Variants in STK40 observed in about 807,000 individuals in gnomAD.
The protein encoded by STK40 is serine/threonine kinase 40.
A neutral mutation model predicts 47.9 loss-of-function variants in STK40; 13 were observed. The ratio of observed to expected loss-of-function variants is 0.27; its 90% confidence interval spans 0.18 to 0.43. STK40 has a LOEUF of 0.43. STK40 is among the 20% of genes least tolerant of loss of function. The pLI is 1.00. For missense variants in STK40, 460 were observed against 595.1 expected (o/e 0.77, Z 2.36); for synonymous variants, 225 against 243.2 (o/e 0.93, Z 0.69).
At chr1:36,347,233 A>G (rs754639387) in intron 7 of STK40, among the ~76,000 whole-genome samples, 11 of 152,168 alleles carry the variant, frequency 7.2e-5, no homozygotes, top group Non-Finnish European at 1.5e-4. Context: ...CACTGCACGG[A>G]AAGGGCGCAC....
At chr1:36,357,808 G>T (rs1646818105) in intron 4 of STK40, among the ~76,000 whole-genome samples, 1 of 152,084 alleles carries the variant, frequency 6.6e-6, no homozygotes, top group African/African-American at 2.4e-5. Context: ...GTGGAGACGG[G>T]GTTTCACCTT....
intron 1 of STK40, among the ~76,000 whole-genome samples, chr1:36,382,501 C>T (rs1430852686): frequency 6.6e-6 from 1 of 152,118 alleles, no homozygotes; most frequent in Non-Finnish European, 1.5e-5. Flanking sequence ...CTTTAAAGTA[C>T]TATTTTTTTC....
At chr1:36,349,761 C>A (rs779522892) in intron 6 of STK40, among the ~76,000 whole-genome samples, 35 of 129,210 alleles carry the variant, frequency 2.7e-4, no homozygotes, top group Non-Finnish European at 1.1e-4. Context: ...TTACACCACA[C>A]TGGGGGCTGG....
chr1:36,347,430 G>C (rs993684925), intron 7 of STK40, among the ~76,000 whole-genome samples: 2 of 152,232 alleles, frequency 1.3e-5, no homozygotes, highest in Non-Finnish European at 2.9e-5. Flanking sequence ...CAGCCCTGGG[G>C]CTGCGCCTCC....
chr1:36,371,762 G>A (rs535029815), intron 1 of STK40, among the ~76,000 whole-genome samples: 7 of 147,612 alleles, frequency 4.7e-5, no homozygotes, highest in Non-Finnish European at 1.0e-4. Context: ...TTAGGAGGCC[G>A]AGGCGGGCAA....
At chr1:36,357,819 G>A (rs184864896) in intron 4 of STK40, among the ~76,000 whole-genome samples, 2 of 152,280 alleles carry the variant, frequency 1.3e-5, no homozygotes, top group East Asian at 3.9e-4. Flanking sequence ...GTTTCACCTT[G>A]TTGGCCAGGA....
chr1:36,365,474 G>C (rs368074908), intron 1 of STK40, among the ~76,000 whole-genome samples: 9 of 152,330 alleles, frequency 5.9e-5, no homozygotes, highest in African/African-American at 2.2e-4. Flanking sequence ...AACTCACTGA[G>C]CCCCAACAGT....
chr1:36,350,270 A>G (rs1270766334), intron 6 of STK40, among the ~76,000 whole-genome samples: 1 of 152,196 alleles, frequency 6.6e-6, no homozygotes, highest in African/African-American at 2.4e-5. Context: ...GGGCTGCTCT[A>G]GCTCTGAAGC....
At chr1:36,351,640 C>T (rs547596079) in intron 6 of STK40, among the ~76,000 whole-genome samples, 12 of 152,202 alleles carry the variant, frequency 7.9e-5, no homozygotes, top group African/African-American at 2.7e-4. Flanking sequence ...GAGGCATTGG[C>T]ATTCTGCACC....
At chr1:36,369,906 T>G (rs1344160853) in intron 1 of STK40, among the ~76,000 whole-genome samples, 1 of 152,138 alleles carries the variant, frequency 6.6e-6, no homozygotes, top group Non-Finnish European at 1.5e-5. Flanking sequence ...ACAGAGGCAG[T>G]TGAATAAAGA....
At position 36,355,187 on chromosome 1, in the gene STK40, C is replaced by T. The variant is rs1191197430; in HGVS notation, c.570+19G>A. 2 of 1,611,490 alleles carry T rather than the reference C, an allele frequency of 1.2e-6. No individual in the cohort carries two copies. Among genetic ancestry groups the T allele is most frequent in the Non-Finnish European group, 1.7e-6 (2 of 1,178,824 alleles). ...GGCTTTCTGTGGCCAGAAGGCGCAG[C>T]AGCAGGGTGTGGCCTCACCTGGTGC... On this transcript the variant is annotated intron_variant, in intron 5 of 10. Coordinates refer to ENST00000373132, the MANE Select transcript of STK40 (RefSeq NM_001282547.2).
chr1:36,358,651 C>G (rs574976460), intron 3 of STK40, 86 bp downstream of exon 3: 80 of 1,429,190 alleles, frequency 5.6e-5, no homozygotes, highest in Non-Finnish European at 7.7e-5. Context: ...TTCACAATGA[C>G]GCAGGTGTGA....
At chr1:36,372,104 T>C (rs1470551276) in intron 1 of STK40, among the ~76,000 whole-genome samples, 1 of 152,130 alleles carries the variant, frequency 6.6e-6, no homozygotes, top group Admixed American at 6.5e-5. Context: ...TCCACAGACG[T>C]AGAACCCACG....
At chr1:36,346,433 C>A (rs1431308781) in intron 7 of STK40, among the ~76,000 whole-genome samples, 1 of 152,228 alleles carries the variant, frequency 6.6e-6, no homozygotes, top group African/African-American at 2.4e-5. Flanking sequence ...CCATGAGGGC[C>A]AGACCAGGCC....
At position 36,340,427 on chromosome 1, in the gene STK40, G is replaced by C. The variant is rs947577388; in HGVS notation, c.*1328C>G. 6.5e-6 allele frequency: 1 copy of C among 152,782 alleles called. No homozygotes were observed. Among genetic ancestry groups the C allele is most frequent in the African/African-American group, 2.4e-5 (1 of 41,456 alleles). 9.5% of individuals were successfully genotyped at this position (152,782 alleles called of 1,614,324 possible). Reference sequence around the variant, plus strand: ...ACAGTCACCTCCCCACTGGGGAGCAGGGCCAGGCAGGAGGGGCCTCAGGGC... The same window carrying C: ...ACAGTCACCTCCCCACTGGGGAGCACGGCCAGGCAGGAGGGGCCTCAGGGC... On this transcript the variant is annotated 3_prime_UTR_variant, in exon 11 of 11. Transcript: ENST00000373132.
intron 7 of STK40, among the ~76,000 whole-genome samples, chr1:36,345,991 A>ATATATATTTTTTTTTTTTTTTTTTTT: frequency 7.6e-5 from 2 of 26,468 alleles, no homozygotes; most frequent in Non-Finnish European, 1.4e-4. Flanking sequence ...ATATATATAT[A>ATATATATTTTTTTTTTTTTTTTTTTT]TTTTTTTTTT....
At chr1:36,372,212 G>C (rs199828149) in intron 1 of STK40, among the ~76,000 whole-genome samples, 1 of 151,892 alleles carries the variant, frequency 6.6e-6, no homozygotes, top group Admixed American at 6.6e-5. Context: ...GCCCGGGCAC[G>C]GTGGCTCATG....
chr1:36,352,346 A>G (rs1646766177), intron 6 of STK40, among the ~76,000 whole-genome samples: 1 of 152,142 alleles, frequency 6.6e-6, no homozygotes, highest in Admixed American at 6.5e-5. Context: ...GCAGCCTCAC[A>G]CCCACTGATT....
rs1040142460 is a variant in STK40 at position 36,344,170 on chromosome 1, G to A, written c.834C>T (p.Ile278=). 6.2e-6 allele frequency: 10 copies of A among 1,613,276 alleles called. No homozygotes were observed. The highest frequency in any genetic ancestry group is 7.6e-6 in the Non-Finnish European group (9 of 1,179,760). ...TGATCTTGCGGAAGAGCTCCTGCGGGATGCTGTCGTAGAAGGGGAACTGGC... is the reference window on the plus strand; with the variant it reads ...TGATCTTGCGGAAGAGCTCCTGCGGAATGCTGTCGTAGAAGGGGAACTGGC... The part of the protein sequence containing the change: ...LYGQFPFYDS[I]PQELFRKIKA... Residue 278 remains isoleucine (I), a synonymous_variant, in exon 8 of 11, where the codon ATC becomes ATT. Coordinates refer to ENST00000373132, the MANE Select transcript of STK40 (RefSeq NM_001282547.2).
Sources: gnomAD v4.1 joint callset for allele counts (sites outside exome capture counted in the v4.1 genomes callset) on GRCh38, gnomAD v4.1.1 for gene constraint, MANE v1.5 for transcripts, NCBI Gene and HGNC (gene_info 2026-07-23, HGNC 2026-07-21) for gene names.